MARCHF3: variants seen among roughly 807,000 people sequenced by gnomAD.
MARCHF3 encodes E3 ubiquitin-protein ligase MARCHF3.
Under a neutral mutation model 24.2 loss-of-function variants are expected in MARCHF3, and 13 were observed. The ratio of observed to expected loss-of-function variants is 0.54; its 90% CI spans 0.35 to 0.85. The LOEUF is 0.85. MARCHF3 is among the 40% of genes least tolerant of loss of function. The probability of loss-of-function intolerance (pLI) is 0.01; values close to 1 mark genes in which losing one functional copy is unlikely to be tolerated. For synonymous variants in MARCHF3, 144 were observed against 137.3 expected (o/e 1.05, Z -0.34); for missense variants, 276 against 325.0 (o/e 0.85, Z 1.16).
chr5:126,885,647 G>A (rs751160870), intron 3 of MARCHF3, among the ~76,000 whole-genome samples: 16 of 152,058 alleles, frequency 1.1e-4, no homozygotes, highest in Non-Finnish European at 2.4e-4. Flanking sequence ...GATGCCACTA[G>A]GTCTGACCAG....
At chr5:126,940,317 G>C (rs556465854) in intron 1 of MARCHF3, among the ~76,000 whole-genome samples, 13 of 152,262 alleles carry the variant, frequency 8.5e-5, no homozygotes, top group African/African-American at 2.9e-4. Context: ...TTATCCAAGA[G>C]CAGATCATGC....
chr5:127,024,774 G>A (rs1341123500), intron 1 of MARCHF3, among the ~76,000 whole-genome samples: 1 of 152,138 alleles, frequency 6.6e-6, no homozygotes, highest in Non-Finnish European at 1.5e-5. Context: ...AGGGGTGGGG[G>A]AGTGTACTCA....
At chr5:126,944,712 G>T (rs1452197007) in intron 1 of MARCHF3, among the ~76,000 whole-genome samples, 5 of 152,194 alleles carry the variant, frequency 3.3e-5, no homozygotes, top group African/African-American at 1.2e-4. Flanking sequence ...GAAGACCTTG[G>T]TTCTAGGTCA....
At chr5:126,890,388 T>G (rs1347592830) in intron 3 of MARCHF3, among the ~76,000 whole-genome samples, 6 of 150,380 alleles carry the variant, frequency 4.0e-5, no homozygotes, top group Non-Finnish European at 7.4e-5. Context: ...CTGCACCCAC[T>G]AACTCGTCAT....
chr5:126,958,637 A>C (rs1340630601), intron 1 of MARCHF3, among the ~76,000 whole-genome samples: 1 of 152,218 alleles, frequency 6.6e-6, no homozygotes, highest in Non-Finnish European at 1.5e-5. Flanking sequence ...TAGAAGACAG[A>C]TCAAGGGTAC....
At chr5:126,931,864 AG>A (rs1174161865) in intron 1 of MARCHF3, among the ~76,000 whole-genome samples, 1 of 152,162 alleles carries the variant, frequency 6.6e-6, no homozygotes, top group Admixed American at 6.5e-5. Context: ...AAGCGGGGGA[AG>A]GCTATTTGGT....
chr5:126,956,857 T>A (rs1343193846), intron 1 of MARCHF3, among the ~76,000 whole-genome samples: 2 of 152,128 alleles, frequency 1.3e-5, no homozygotes, highest in Admixed American at 1.3e-4. Flanking sequence ...TTTCACCAAA[T>A]CTTTGTCATG....
chr5:126,881,834 G>T (rs1452728197), intron 3 of MARCHF3, among the ~76,000 whole-genome samples: 1 of 152,080 alleles, frequency 6.6e-6, no homozygotes, highest in East Asian at 1.9e-4. Flanking sequence ...TATATCACTT[G>T]TGTACAAAAC....
intron 3 of MARCHF3, among the ~76,000 whole-genome samples, chr5:126,909,476 C>T (rs906808645): frequency 5.9e-5 from 9 of 152,222 alleles, no homozygotes; most frequent in African/African-American, 1.2e-4. Flanking sequence ...AGCGACACTC[C>T]GTGGGCGTAG....
At position 126,945,485 on chromosome 5, in the gene MARCHF3, G is replaced by A. The variant is rs182207377; in HGVS notation, c.-56-27258C>T. Among the ~76,000 whole-genome samples, 12 of 152,328 alleles carry A rather than the reference G, an allele frequency of 7.9e-5. No homozygotes were observed. In the East Asian group the frequency reaches 2.3e-3, roughly 29 times the overall value. On this transcript the variant is annotated intron_variant, in intron 1 of 4. Coordinates refer to ENST00000308660, the MANE Select transcript of MARCHF3 (RefSeq NM_178450.5). ...CTAAATAATGGCAGGAGCCAGCCAG[G>A]CAAATGGGAGAGAGAAGAGAGTTCC...
chr5:126,998,250 C>G (rs1006079379), intron 1 of MARCHF3, among the ~76,000 whole-genome samples: 1 of 152,174 alleles, frequency 6.6e-6, no homozygotes, highest in Non-Finnish European at 1.5e-5. Context: ...GTGAGCTGTA[C>G]AACCAGGAAT....
intron 1 of MARCHF3, among the ~76,000 whole-genome samples, chr5:126,993,633 C>A (rs1320221435): frequency 6.6e-6 from 1 of 152,154 alleles, no homozygotes; most frequent in Non-Finnish European, 1.5e-5. Context: ...AATATCAGGG[C>A]AGACTCTTGC....
intron 1 of MARCHF3, among the ~76,000 whole-genome samples, chr5:126,936,499 GATAA>G (rs1193034847): frequency 6.6e-6 from 1 of 152,086 alleles, no homozygotes; most frequent in Non-Finnish European, 1.5e-5. Context: ...AAAAAAATTG[GATAA>G]ATATTTATGT....
At chr5:126,985,766 C>T (rs1242617967) in intron 1 of MARCHF3, among the ~76,000 whole-genome samples, 8 of 152,176 alleles carry the variant, frequency 5.3e-5, no homozygotes, top group East Asian at 1.9e-4. Flanking sequence ...TGAGCCACTG[C>T]GCCCGGCCTA....
intron 4 of MARCHF3, among the ~76,000 whole-genome samples, chr5:126,875,163 A>T (rs1753107052): frequency 6.6e-6 from 1 of 152,164 alleles, no homozygotes; most frequent in Admixed American, 6.5e-5. Context: ...ACGGGTTTCA[A>T]ATCACTTGTG....
chr5:126,937,391 G>A (rs1749680689), intron 1 of MARCHF3, among the ~76,000 whole-genome samples: 1 of 151,934 alleles, frequency 6.6e-6, no homozygotes, highest in African/African-American at 2.4e-5. Context: ...ATACTTTACA[G>A]AAGTCATATT....
chr5:126,947,441 G>A (rs1223193534), intron 1 of MARCHF3, among the ~76,000 whole-genome samples: 19 of 152,152 alleles, frequency 1.2e-4, no homozygotes, highest in Admixed American at 1.2e-3. Context: ...GAGCACAGAG[G>A]GTTTTTAGGG....
chr5:126,893,476 G>T (rs1354394768), intron 3 of MARCHF3, among the ~76,000 whole-genome samples: 3 of 151,732 alleles, frequency 2.0e-5, no homozygotes, highest in African/African-American at 7.3e-5. Flanking sequence ...TCCCAGAGAT[G>T]CTGGTATGTT....
chr5:126,907,335 T>C (rs370298841), intron 3 of MARCHF3, among the ~76,000 whole-genome samples: 8,510 of 132,144 alleles, frequency 0.064, 600 homozygotes, highest in African/African-American at 0.2. Flanking sequence ...CTATTAGGTC[T>C]GCTTGGTGCA....
Sources: allele counts gnomAD v4.1 joint callset (sites outside exome capture counted in the v4.1 genomes callset), GRCh38; gene constraint gnomAD v4.1.1; transcripts MANE v1.5; gene names NCBI Gene and HGNC (gene_info 2026-07-23, HGNC 2026-07-21).